Variants in VPS13D observed in about 807,000 individuals in gnomAD.
VPS13D encodes intermembrane lipid transfer protein VPS13D.
A neutral mutation model predicts 461.9 loss-of-function variants in VPS13D; 187 were observed. That is an observed-to-expected ratio of 0.40 (90% CI 0.36 to 0.46). The LOEUF (loss-of-function observed/expected upper bound fraction) is 0.46. Among genes scored for constraint, VPS13D ranks in the 20% least tolerant of loss-of-function variants. The pLI, the probability that VPS13D is intolerant of heterozygous loss-of-function variation, is 0.60. For missense variants in VPS13D, 4,711 were observed against 5,364.9 expected (o/e 0.88, Z 3.81); for synonymous variants, 1,951 against 1,986.3 (o/e 0.98, Z 0.47).
Position 12,277,549 on chromosome 1 carries a change from G to A in VPS13D, c.3961G>A (p.Ala1321Thr), listed in dbSNP as rs1231454165. 6.2e-6 allele frequency: 10 copies of A among 1,613,816 alleles called. No individual in the cohort carries two copies. The highest frequency in any genetic ancestry group is 1.7e-5 in the Admixed American group (1 of 60,002). ...AAATTTTCGAGGTATGCTGAAAAGC[G>A]CAGCCACCAAAGTCACCACAGTACT... ...EENFRGMLKS[A>T]ATKVTTVLAT... is the part of the protein sequence containing the mutation. Residue 1321 changes from alanine (A) to threonine (T), a missense_variant, in exon 19 of 70, where the codon GCA becomes ACA. Ala to Thr is a moderately conservative substitution (Grantham distance 58). Coordinates refer to ENST00000620676, the MANE Select transcript of VPS13D (RefSeq NM_015378.4).
intron 60 of VPS13D, among the ~76,000 whole-genome samples, chr1:12,390,866 G>A (rs1644415419): frequency 6.6e-6 from 1 of 152,210 alleles, no homozygotes. Flanking sequence ...GTGGGCGATG[G>A]CAGGAGTGGC....
At chr1:12,420,894 G>T (rs1644854225) in intron 65 of VPS13D, among the ~76,000 whole-genome samples, 2 of 152,166 alleles carry the variant, frequency 1.3e-5, no homozygotes, top group African/African-American at 4.8e-5. Context: ...CACATAAGAA[G>T]ATAATAGACC....
chr1:12,287,383 C>G (rs778820569), intron 21 of VPS13D, among the ~76,000 whole-genome samples: 5 of 151,628 alleles, frequency 3.3e-5, no homozygotes, highest in Non-Finnish European at 5.9e-5. Context: ...TCTTTTTATC[C>G]TCCTGATTAT....
rs778888582 is a variant in VPS13D, at chr1:12,244,298, C to CCCTT, written c.229_232dup (p.Trp78SerfsTer23). The CCCTT allele has an allele frequency of 6.2e-7, 1 of 1,614,116 alleles. No homozygotes were observed. Among genetic ancestry groups the CCCTT allele is most frequent in the Admixed American group, 1.7e-5 (1 of 60,016 alleles). On this transcript the variant is annotated frameshift_variant, in exon 4 of 70. Coordinates refer to ENST00000620676, the MANE Select transcript of VPS13D (RefSeq NM_015378.4). LOFTEE classifies it high-confidence loss of function. ...TTCCCTTTTATCGCCCCCATGTGGACCCTTGGGTGATCTCCATCTCCAGCC... is the reference window on the plus strand; with the variant it reads ...TTCCCTTTTATCGCCCCCATGTGGACCCTTCCTTGGGTGATCTCCATCTCCAGCC...
intron 25 of VPS13D, among the ~76,000 whole-genome samples, chr1:12,303,377 G>T (rs1377326642): frequency 6.6e-6 from 1 of 152,054 alleles, no homozygotes; most frequent in Non-Finnish European, 1.5e-5. Flanking sequence ...AAAAGCTTTG[G>T]GTTAATCTTC....
Position 12,308,586 on chromosome 1 carries a change from A to G in VPS13D, c.6595A>G (p.Ser2199Gly), listed in dbSNP as rs545160328. ...CTATTTTGTGCGACAGACAGGAGGAAGCCTCTTAACCGAGCCTTGTAGGCT... is the reference window on the plus strand; with the variant it reads ...CTATTTTGTGCGACAGACAGGAGGAGGCCTCTTAACCGAGCCTTGTAGGCT... ...PSYFVRQTGG[S>G]LLTEPCRLKL... Residue 2199 changes from serine (S) to glycine (G), a missense_variant, in exon 27 of 70, where the codon AGC becomes GGC. Physicochemically the swap from Ser to Gly is moderately conservative, Grantham distance 56. Coordinates refer to ENST00000620676, the MANE Select transcript of VPS13D (RefSeq NM_015378.4). 137 of 1,613,820 alleles carry G rather than the reference A, an allele frequency of 8.5e-5. No individual in the cohort carries two copies. The South Asian group carries it at 1.4e-3, about 17-fold the overall frequency.
At chr1:12,439,106 A>G (rs1345143688) in intron 65 of VPS13D, among the ~76,000 whole-genome samples, 1 of 152,130 alleles carries the variant, frequency 6.6e-6, no homozygotes, top group Non-Finnish European at 1.5e-5. Flanking sequence ...GTCAAAACAT[A>G]ACAGATTTGG....
rs1448039393 is a variant in VPS13D, at chr1:12,510,272, T to C, written c.*1248T>C. On this transcript the variant is annotated 3_prime_UTR_variant, in exon 70 of 70. Coordinates refer to ENST00000620676, the MANE Select transcript of VPS13D (RefSeq NM_015378.4). ...CGCTTTTCTGTAAGGATTAAGCAGA[T>C]AGGGAGAAGGGAAAAGGGGCCTCAC... 6.6e-6 allele frequency: 1 copy of C among 152,184 alleles called. No individual in the cohort carries two copies. The highest frequency in any genetic ancestry group is 6.5e-5 in the Admixed American group (1 of 15,278). The allele number at this position is 152,184 out of a possible 1,614,324, so 9.4% of individuals were successfully genotyped here. A position where few individuals can be genotyped will look rare whatever the true frequency, so the allele number is the denominator to read the frequency against.
At position 12,279,022 on chromosome 1, in the gene VPS13D, A is replaced by G. The variant is rs1420991520; in HGVS notation, c.4451-477A>G. ...TGTTAATTCACTGATTTGTTTTTAT[A>G]CTTATCAAAAGATAGCTTTCTCTGC... On this transcript the variant is annotated intron_variant, in intron 19 of 69. Coordinates refer to ENST00000620676, the MANE Select transcript of VPS13D (RefSeq NM_015378.4). This position sits in a 1 kb window ranked among gnomAD's most constrained non-coding sequence, Gnocchi z 4.3. Among the ~76,000 whole-genome samples the G allele has an allele frequency of 6.6e-6, 1 of 152,182 alleles. No homozygotes were observed. Among genetic ancestry groups the G allele is most frequent in the Non-Finnish European group, 1.5e-5 (1 of 68,032 alleles).
At chr1:12,283,761 C>A in intron 21 of VPS13D, 25 bp downstream of exon 21, 2 of 1,573,916 alleles carry the variant, frequency 1.3e-6, no homozygotes, top group Non-Finnish European at 1.7e-6. Flanking sequence ...CTTTGGCTCC[C>A]TTAAGCTCTA....
chr1:12,439,646 G>T (rs999116074), intron 65 of VPS13D, among the ~76,000 whole-genome samples: 1 of 152,190 alleles, frequency 6.6e-6, no homozygotes, highest in African/African-American at 2.4e-5. Flanking sequence ...TCTCATGAGG[G>T]CTGAAAGTTT....
In VPS13D at chr1:12,386,304, C is replaced by T; in HGVS notation, c.11604C>T (p.His3868=). 6.2e-7 allele frequency: 1 copy of T among 1,611,602 alleles called. No homozygotes were observed. Among genetic ancestry groups the T allele is most frequent in the Non-Finnish European group, 8.5e-7 (1 of 1,179,010 alleles). The part of the protein sequence containing the change: ...NVHYTQLATS[H]MLELSIQDVQ... ...ACTATACACAGCTGGCAACCAGTCA[C>T]ATGCTTGAACTCAGCATACAGGATG... is the stretch of plus-strand genomic sequence containing the variant. The change falls in exon 60 of 70, where the codon CAC becomes CAT. Residue 3868 remains histidine, a synonymous_variant. Transcript: ENST00000620676.
chr1:12,282,844 G>T lies in VPS13D; in HGVS notation c.4742G>T (p.Cys1581Phe). The T allele has an allele frequency of 6.2e-7, 1 of 1,614,122 alleles. No individual in the cohort carries two copies. Among genetic ancestry groups the T allele is most frequent in the South Asian group, 1.1e-5 (1 of 91,080 alleles). The change falls in exon 21 of 70, where the codon TGT becomes TTT. Residue 1581 changes from cysteine to phenylalanine, a missense_variant. By Grantham distance (205) the Cys-to-Phe change is radical (BLOSUM62 -2). This residue lies in a region of VPS13D where 4,411 missense variants were observed against 4,937.8 expected (regional missense o/e 0.89). Transcript: ENST00000620676. ...PDSPLPPLST[C>F]GESSVERKEN... ...TCTCCTCTGCCTCCCCTCAGTACCT[G>T]TGGAGAATCTTCTGTTGAAAGGAAG...
chr1:12,321,006 G>A (rs992654426), intron 32 of VPS13D, among the ~76,000 whole-genome samples: 2 of 152,144 alleles, frequency 1.3e-5, no homozygotes, highest in Admixed American at 1.3e-4. Context: ...GGTGGTGGAG[G>A]GGGTGAAGAG....
chr1:12,438,297 C>G (rs1645087256), intron 65 of VPS13D, among the ~76,000 whole-genome samples: 1 of 152,110 alleles, frequency 6.6e-6, no homozygotes, highest in African/African-American at 2.4e-5. Context: ...AGAGAGCTAG[C>G]CCACCCTTCT....
chr1:12,402,285 A>G (rs1332474042), intron 62 of VPS13D, among the ~76,000 whole-genome samples: 1 of 152,224 alleles, frequency 6.6e-6, no homozygotes, highest in Non-Finnish European at 1.5e-5. Context: ...CAGCAGTGCT[A>G]CAGAAATAAT....
chr1:12,255,155 AG>A (rs1323739804), intron 7 of VPS13D, among the ~76,000 whole-genome samples: 3 of 151,572 alleles, frequency 2.0e-5, no homozygotes, highest in Non-Finnish European at 4.4e-5. Flanking sequence ...CATGTTGGCC[AG>A]GCTGGTCTTG....
Position 12,277,504 on chromosome 1 carries a change from T to C in VPS13D, c.3916T>C (p.Ser1306Pro). The C allele has an allele frequency of 6.2e-7, 1 of 1,614,154 alleles. No individual in the cohort carries two copies. The highest frequency in any genetic ancestry group is 8.5e-7 in the Non-Finnish European group (1 of 1,180,026). The change falls in exon 19 of 70, where the codon TCC becomes CCC. Residue 1306 changes from serine (S) to proline (P), a missense_variant. Ser to Pro is a moderately conservative substitution (Grantham distance 74). Transcript: ENST00000620676. ...SAKFLKELTL[S>P]MDELEENFRG... is the part of the protein sequence containing the mutation. ...TAAGTTTTTGAAGGAGTTGACGTTA[T>C]CCATGGATGAACTGGAAGAAAATTT... is the stretch of plus-strand genomic sequence containing the variant.
chr1:12,509,006 G>A lies in VPS13D; in HGVS notation c.13149G>A (p.Gln4383=). 6.2e-7 allele frequency: 1 copy of A among 1,614,166 alleles called. No individual in the cohort carries two copies. Among genetic ancestry groups the A allele is most frequent in the East Asian group, 2.2e-5 (1 of 44,892 alleles). Residue 4383 remains glutamine (Q), a synonymous_variant, in exon 70 of 70, where the codon CAG becomes CAA. Coordinates refer to ENST00000620676, the MANE Select transcript of VPS13D (RefSeq NM_015378.4). ...LMLRLSENRE[Q]LELDS Reference sequence around the variant, plus strand: ...TAAGACTCAGCGAAAACCGAGAGCAGCTGGAGCTGGACTCCTGAAGCCCCG... The same window carrying A: ...TAAGACTCAGCGAAAACCGAGAGCAACTGGAGCTGGACTCCTGAAGCCCCG...
Sources: gnomAD v4.1 joint callset for allele counts (sites outside exome capture counted in the v4.1 genomes callset) on GRCh38, gnomAD v4.1.1 for gene constraint, gnomAD v4.1.1 regional missense constraint, Gnocchi (gnomAD v3.1) non-coding constraint, MANE v1.5 for transcripts, NCBI Gene and HGNC (gene_info 2026-07-23, HGNC 2026-07-21) for gene names.